GPR157: variants seen among roughly 807,000 people sequenced by gnomAD.
GPR157 encodes G protein-coupled receptor 157.
GPR157 carries 16 observed loss-of-function variants against 23.5 expected under a neutral mutation model. The observed-to-expected ratio is 0.68, with a 90% CI of 0.46 to 1.04. GPR157 has a LOEUF of 1.04. Among genes scored for constraint, GPR157 ranks in the 50% least tolerant of loss-of-function variants. The pLI is 0.00. For missense variants in GPR157, 440 were observed against 460.7 expected (o/e 0.96, Z 0.41); for synonymous variants, 200 against 221.5 (o/e 0.90, Z 0.86).
At position 9,102,773 on chromosome 1, in the gene GPR157, T is replaced by C. The variant is rs1368182963; in HGVS notation, c.*1646A>G. Reference sequence around the variant, plus strand: ...GTTTTCTGAAATAAGACGAAAGCGTTTGTGGAAGACCCACAGAATAAAAAT... The same window carrying C: ...GTTTTCTGAAATAAGACGAAAGCGTCTGTGGAAGACCCACAGAATAAAAAT... On this transcript the variant is annotated 3_prime_UTR_variant, in exon 4 of 4. Transcript: ENST00000377411. 1 of 152,216 alleles carries C rather than the reference T, an allele frequency of 6.6e-6. No homozygotes were observed. The highest frequency in any genetic ancestry group is 1.5e-5 in the Non-Finnish European group (1 of 68,046). The allele number at this position is 152,216 out of a possible 1,614,324, so 9.4% of individuals were successfully genotyped here.
intron 2 of GPR157, among the ~76,000 whole-genome samples, chr1:9,107,535 A>G (rs779175234): frequency 7.9e-5 from 12 of 152,228 alleles, no homozygotes; most frequent in Non-Finnish European, 1.2e-4. Context: ...CTGTAGTCCC[A>G]GCACTTTGGG....
intron 1 of GPR157, among the ~76,000 whole-genome samples, chr1:9,112,476 G>A (rs536869700): frequency 1.1e-3 from 173 of 152,196 alleles, no homozygotes; most frequent in African/African-American, 4.0e-3. Flanking sequence ...TTTTTGAGAC[G>A]GAGTCTCGCT....
chr1:9,119,840 T>C (rs1459385623), intron 1 of GPR157, among the ~76,000 whole-genome samples: 1 of 152,214 alleles, frequency 6.6e-6, no homozygotes, highest in Non-Finnish European at 1.5e-5. Flanking sequence ...GAAGTGGAAG[T>C]ACTGCCGGGG....
Position 9,105,612 on chromosome 1 carries a change from C to T in GPR157, c.666G>A (p.Met222Ile), listed in dbSNP as rs746194732. 9 of 1,612,686 alleles carry T rather than the reference C, an allele frequency of 5.6e-6. No homozygotes were observed. Among genetic ancestry groups the T allele is most frequent in the South Asian group, 1.1e-5 (1 of 90,534 alleles). Residue 222 changes from methionine (M) to isoleucine (I), a missense_variant, in exon 3 of 4, where the codon ATG becomes ATA. Coordinates refer to ENST00000377411, the MANE Select transcript of GPR157 (RefSeq NM_024980.5). The surrounding 1 kb of genome is among the most constrained non-coding windows in gnomAD (Gnocchi z 4.8). Reference protein sequence around the residue: ...QEHRLLRHSSMADKKLVLIPL... With the variant: ...QEHRLLRHSSIADKKLVLIPL... ...GGATGAGCACCAGCTTCTTGTCCGC[C>T]ATGGAGGAGTGGCGCAGCAGGCGGT...
chr1:9,111,775 G>A (rs1268382985), intron 1 of GPR157, among the ~76,000 whole-genome samples: 1 of 152,170 alleles, frequency 6.6e-6, no homozygotes. Context: ...TTCGAGACCA[G>A]GCTGGCCAAC....
chr1:9,105,650 G>A lies in GPR157; in HGVS notation c.628C>T (p.Leu210Phe), dbSNP rs1392557344. ...HTALSEYRPI[L>F]SQEHRLLRHS... ...CGCAGCAGGCGGTGCTCCTGGGAGA[G>A]GATGGGCCGGTACTCAGAGAGTGCC... The change falls in exon 3 of 4, where the codon CTC (leucine) becomes TTC (phenylalanine). Residue 210 changes from leucine (L) to phenylalanine (F), a missense_variant. By Grantham distance (22) the Leu-to-Phe change is conservative. Coordinates refer to ENST00000377411, the MANE Select transcript of GPR157 (RefSeq NM_024980.5). The surrounding 1 kb of genome is among the most constrained non-coding windows in gnomAD (Gnocchi z 4.8). 3.1e-6 allele frequency: 5 copies of A among 1,612,586 alleles called. No individual in the cohort carries two copies. Among genetic ancestry groups the A allele is most frequent in the Non-Finnish European group, 3.4e-6 (4 of 1,179,480 alleles).
chr1:9,115,260 A>G (rs1638612131), intron 1 of GPR157, among the ~76,000 whole-genome samples: 1 of 152,228 alleles, frequency 6.6e-6, no homozygotes, highest in South Asian at 2.1e-4. Flanking sequence ...AAATGTATAA[A>G]TTTCACCTGC....
At position 9,105,751 on chromosome 1, in the gene GPR157, G is replaced by C. The variant is rs1375823970; in HGVS notation, c.598-71C>G. On this transcript the variant is annotated intron_variant, in intron 2 of 3. Transcript: ENST00000377411. This position sits in a 1 kb window ranked among gnomAD's most constrained non-coding sequence, Gnocchi z 4.8. ...CCGCCACGTCCACCCAGGCTGCCCA[G>C]GTCTTCCCAGGGACTTGAACTAGCT... The C allele has an allele frequency of 7.4e-7, 1 of 1,348,868 alleles. No individual in the cohort carries two copies. The highest frequency in any genetic ancestry group is 1.4e-5 in the African/African-American group (1 of 70,032). The allele number at this position is 1,348,868 out of a possible 1,614,324, so 83.6% of individuals were successfully genotyped here. A position where few individuals can be genotyped will look rare whatever the true frequency, so the allele number is the denominator to read the frequency against.
intron 1 of GPR157, among the ~76,000 whole-genome samples, chr1:9,125,225 CT>C (rs960317813): frequency 2.0e-5 from 3 of 150,670 alleles, no homozygotes; most frequent in African/African-American, 7.3e-5. Flanking sequence ...TTTTCTTTTT[CT>C]TTTTTTTTGA....
intron 1 of GPR157, among the ~76,000 whole-genome samples, chr1:9,113,202 C>T (rs1039974146): frequency 3.9e-5 from 6 of 152,134 alleles, no homozygotes; most frequent in Non-Finnish European, 7.3e-5. Context: ...ACTGGTGCTG[C>T]GTGGGGCCCG....
chr1:9,114,920 C>CA (rs70985588), intron 1 of GPR157, among the ~76,000 whole-genome samples: 2,455 of 85,244 alleles, frequency 0.029, 75 homozygotes, highest in African/African-American at 0.071. Context: ...GACTCCGTCT[C>CA]AAAAAAAAAA....
chr1:9,113,341 G>C (rs1171213590), intron 1 of GPR157, among the ~76,000 whole-genome samples: 1 of 152,198 alleles, frequency 6.6e-6, no homozygotes, highest in African/African-American at 2.4e-5. Flanking sequence ...ATGAATCTGA[G>C]GCCAGAATGA....
At chr1:9,127,636 A>G (rs1638991285) in intron 1 of GPR157, among the ~76,000 whole-genome samples, 1 of 152,240 alleles carries the variant, frequency 6.6e-6, no homozygotes, top group Non-Finnish European at 1.5e-5. Context: ...GCCTCAGTGC[A>G]CAACTGAAGG....
rs1034471171 is a variant in GPR157, at chr1:9,104,246, T to G, written c.*173A>C. 2 of 596,532 alleles carry G rather than the reference T, an allele frequency of 3.4e-6. No individual in the cohort carries two copies. Among genetic ancestry groups the G allele is most frequent in the African/African-American group, 1.9e-5 (1 of 53,918 alleles). The allele number at this position is 596,532 out of a possible 1,614,324, so 37.0% of individuals were successfully genotyped here. A position where few individuals can be genotyped will look rare whatever the true frequency, so the allele number is the denominator to read the frequency against. ...CGGTGGAACTTGCTGCCTGAGGATC[T>G]AGGAGGTAGAAGAAGCTGAGTTGGC... On this transcript the variant is annotated 3_prime_UTR_variant, in exon 4 of 4. Transcript: ENST00000377411.
intron 2 of GPR157, among the ~76,000 whole-genome samples, chr1:9,110,801 G>A (rs1638470477): frequency 6.6e-6 from 1 of 152,216 alleles, no homozygotes; most frequent in Non-Finnish European, 1.5e-5. Context: ...ACTAGGAAAA[G>A]TTAGGTGAGT....
Position 9,120,525 on chromosome 1 carries a change from G to A in GPR157, c.383+8120C>T, listed in dbSNP as rs893455353. Among the ~76,000 whole-genome samples the A allele has an allele frequency of 6.6e-6, 1 of 152,198 alleles. No individual in the cohort carries two copies. Among genetic ancestry groups the A allele is most frequent in the Non-Finnish European group, 1.5e-5 (1 of 68,026 alleles). On this transcript the variant is annotated intron_variant, in intron 1 of 3. Coordinates refer to ENST00000377411, the MANE Select transcript of GPR157 (RefSeq NM_024980.5). This position sits in a 1 kb window ranked among gnomAD's most constrained non-coding sequence, Gnocchi z 4.1. ...AGTGAGGCCTGGTGAGAGGCTGCCT[G>A]GAGGTTTCTTCCCTGGGAACAATGG...
chr1:9,128,720 T>C lies in GPR157; in HGVS notation c.308A>G (p.Tyr103Cys), dbSNP rs74854552. The change falls in exon 1 of 4, where the codon TAC becomes TGC. Residue 103 changes from tyrosine (Y) to cysteine (C), a missense_variant. Coordinates refer to ENST00000377411, the MANE Select transcript of GPR157 (RefSeq NM_024980.5). This position sits in a 1 kb window ranked among gnomAD's most constrained non-coding sequence, Gnocchi z 6.3. The part of the protein sequence containing the change: ...SFFWTVAIAL[Y>C]LYLSIVRAAR... ...GGCGCGGACGATGCTGAGGTACAAG[T>C]AGAGCGCAATGGCCACGGTCCAGAA... 6.2e-7 allele frequency: 1 copy of C among 1,613,150 alleles called. No individual in the cohort carries two copies. The highest frequency in any genetic ancestry group is 1.3e-5 in the African/African-American group (1 of 75,020).
rs774260619 is a variant in GPR157, at chr1:9,104,468, C to A, written c.959G>T (p.Gly320Val). ...GGTCCCTTGGGATTCCTGAGATTCT[C>A]CTGGCTTGGAAGGCGCGGGAGCCTT... ...TPKAPAPSKP[G>V]ESQESQGTPG... Residue 320 changes from glycine (G) to valine (V), a missense_variant, in exon 4 of 4, where the codon GGA becomes GTA. Gly to Val is a moderately radical substitution (Grantham distance 109, BLOSUM62 -3). Transcript: ENST00000377411. The A allele has an allele frequency of 7.4e-6, 12 of 1,613,728 alleles. No individual in the cohort carries two copies. The South Asian group carries it at 1.2e-4, about 16-fold the overall frequency.
intron 1 of GPR157, among the ~76,000 whole-genome samples, chr1:9,116,596 A>T (rs1638685340): frequency 6.7e-6 from 1 of 150,192 alleles, no homozygotes; most frequent in African/African-American, 2.5e-5. Context: ...CAAAAAAATT[A>T]TCTGGGCATA....
Sources: allele counts gnomAD v4.1 joint callset (sites outside exome capture counted in the v4.1 genomes callset), GRCh38; gene constraint gnomAD v4.1.1; non-coding constraint Gnocchi (gnomAD v3.1); transcripts MANE v1.5; gene names NCBI Gene and HGNC (gene_info 2026-07-23, HGNC 2026-07-21).